The following ZNF786 variants were observed in gnomAD, a reference collection of about 807,000 sequenced individuals.
The protein encoded by ZNF786 is zinc finger protein 786.
Under a neutral mutation model 63.1 loss-of-function variants are expected in ZNF786, and 56 were observed. The ratio of observed to expected loss-of-function variants is 0.89; its 90% CI spans 0.72 to 1.11. ZNF786 has a LOEUF of 1.11. ZNF786 is among the 50% of genes least tolerant of loss of function. The pLI, the probability that ZNF786 is intolerant of heterozygous loss-of-function variation, is 0.00. For missense variants in ZNF786, 1,213 were observed against 1,041.8 expected, an observed-to-expected ratio of 1.16 and a Z score of -2.26; for synonymous variants, 485 against 406.9, an observed-to-expected ratio of 1.19 and a Z score of -2.31.
At chr7:149,089,799 C>T (rs1235606528) in intron 1 of ZNF786, among the ~76,000 whole-genome samples, 1 of 151,954 alleles carries the variant, frequency 6.6e-6, no homozygotes, top group Non-Finnish European at 1.5e-5. Flanking sequence ...CTGCAACCTC[C>T]GTCTCCCGGG....
intron 1 of ZNF786, among the ~76,000 whole-genome samples, chr7:149,089,050 G>A (rs538562342): frequency 5.3e-5 from 8 of 149,862 alleles, no homozygotes; most frequent in South Asian, 2.1e-4. Flanking sequence ...TCCGCCTCCC[G>A]GGTTCTCCCG....
intron 1 of ZNF786, among the ~76,000 whole-genome samples, chr7:149,082,347 G>GA (rs1267652793): frequency 2.0e-5 from 3 of 152,092 alleles, no homozygotes; most frequent in Non-Finnish European, 2.9e-5. Flanking sequence ...AACTGCATTA[G>GA]AAAAAATGCA....
Position 149,069,765 on chromosome 7 carries a change from T to C in ZNF786, c.*658A>G, listed in dbSNP as rs539067501. The C allele has an allele frequency of 3.3e-5, 5 of 152,570 alleles. No homozygotes were observed. The Admixed American group carries it at 3.3e-4, about 10-fold the overall frequency. 9.5% of individuals were successfully genotyped at this position (152,570 alleles called of 1,614,324 possible). A position where few individuals can be genotyped will look rare whatever the true frequency, so the allele number is the denominator to read the frequency against. ...CAGCTTCAGGAGTAGCTGGGACTAC[T>C]GGTGTGTACCACCATGCCTGGCTAA... On this transcript the variant is annotated 3_prime_UTR_variant, in exon 4 of 4. Transcript: ENST00000491431.
At chr7:149,077,598 A>C (rs1222203603) in intron 2 of ZNF786, among the ~76,000 whole-genome samples, 1 of 152,134 alleles carries the variant, frequency 6.6e-6, no homozygotes, top group Non-Finnish European at 1.5e-5. Flanking sequence ...ACAGCACTCC[A>C]GCCTGGGCGA....
chr7:149,078,631 C>A (rs1825600584), intron 2 of ZNF786, among the ~76,000 whole-genome samples: 2 of 152,000 alleles, frequency 1.3e-5, no homozygotes, highest in Non-Finnish European at 2.9e-5. Flanking sequence ...CTGCGGTGAG[C>A]CGACATGGTG....
chr7:149,072,558 C>T, intron 3 of ZNF786, 85 bp from the exon 4 acceptor site: 6 of 1,419,214 alleles, frequency 4.2e-6, no homozygotes, highest in Non-Finnish European at 4.6e-6. Flanking sequence ...CACAAGAGTG[C>T]CTTGTGGTGG....
chr7:149,084,662 G>C (rs1303283808), intron 1 of ZNF786, among the ~76,000 whole-genome samples: 1 of 152,088 alleles, frequency 6.6e-6, no homozygotes, highest in African/African-American at 2.4e-5. Flanking sequence ...TTTTTTGCTT[G>C]TAAATTTAAG....
intron 1 of ZNF786, among the ~76,000 whole-genome samples, chr7:149,088,442 A>G (rs1268447114): frequency 1.3e-5 from 2 of 152,208 alleles, no homozygotes; most frequent in African/African-American, 4.8e-5. Context: ...TTCTCCCAAT[A>G]AGCTCTGTGG....
rs781760625 is a variant in ZNF786 at position 149,071,386 on chromosome 7, G to T, written c.1386C>A (p.Phe462Leu). The T allele has an allele frequency of 4.3e-5, 69 of 1,613,196 alleles. No homozygotes were observed. Among genetic ancestry groups the T allele is most frequent in the Non-Finnish European group, 5.3e-5 (63 of 1,179,746 alleles). The change falls in exon 4 of 4, where the codon TTC (phenylalanine) becomes TTA (leucine). Residue 462 changes from phenylalanine to leucine, a missense_variant. Phe to Leu is a conservative substitution (Grantham distance 22). Transcript: ENST00000491431. ...PFRCAKCGRN[F>L]RQRGQLLRHQ... Reference sequence around the variant, plus strand: ...GCCGCAGCAGCTGTCCCCTCTGACGGAAGTTCCTGCCACACTTGGCACACC... The same window carrying T: ...GCCGCAGCAGCTGTCCCCTCTGACGTAAGTTCCTGCCACACTTGGCACACC...
chr7:149,080,032 C>T (rs1403287500), intron 2 of ZNF786, among the ~76,000 whole-genome samples: 1 of 151,828 alleles, frequency 6.6e-6, no homozygotes, highest in Non-Finnish European at 1.5e-5. Flanking sequence ...ATTAGCCGGG[C>T]ATGGCAGCAC....
chr7:149,083,172 C>T (rs995756930), intron 1 of ZNF786, among the ~76,000 whole-genome samples: 4 of 152,068 alleles, frequency 2.6e-5, no homozygotes, highest in African/African-American at 7.2e-5. Context: ...GCTGGGATTA[C>T]AGGCGCGAGC....
At chr7:149,081,305 G>GTGCAT in intron 1 of ZNF786, 1 of 372,516 alleles carries the variant, frequency 2.7e-6, no homozygotes, top group Non-Finnish European at 5.2e-6. Context: ...GTGTGGTGGC[G>GTGCAT]TGCACCTGTA....
rs377306819 is a variant in ZNF786 at position 149,080,581 on chromosome 7, C to T, written c.145+10G>A. The T allele has an allele frequency of 2.5e-6, 4 of 1,579,374 alleles. No homozygotes were observed. Among genetic ancestry groups the T allele is most frequent in the Non-Finnish European group, 3.4e-6 (4 of 1,167,856 alleles). ...TCCATGACCTACCCACAAAGGTGAA[C>T]AGGTCTTACCTAGAGAGACGAGAGT... On this transcript the variant is annotated intron_variant, in intron 2 of 3. Coordinates refer to ENST00000491431, the MANE Select transcript of ZNF786 (RefSeq NM_152411.4).
chr7:149,072,508 T>C lies in ZNF786; in HGVS notation c.299-35A>G, dbSNP rs111597746. 9.2e-6 allele frequency: 14 copies of C among 1,524,454 alleles called. 1 individual carries two copies. The highest frequency in any genetic ancestry group is 4.1e-5 in the African/African-American group (3 of 72,826). 94.4% of individuals were successfully genotyped at this position (1,524,454 alleles called of 1,614,324 possible). ...AAAACAAAAATTCAGTCGGTATTCC[T>C]GTCTGCAGCACTACTAGCGATTCTC... On this transcript the variant is annotated intron_variant, in intron 3 of 3. Transcript: ENST00000491431.
chr7:149,088,957 CTT>C (rs34834738), intron 1 of ZNF786, among the ~76,000 whole-genome samples: 2,469 of 122,494 alleles, frequency 0.02, 61 homozygotes, highest in African/African-American at 0.064. Flanking sequence ...TGTTGAGTTT[CTT>C]TTTTTTTTTT....
At chr7:149,073,775 A>ATATATATATAGTTTTTTTTT (rs1825489939) in intron 3 of ZNF786, among the ~76,000 whole-genome samples, 1 of 102,864 alleles carries the variant, frequency 9.7e-6, no homozygotes, top group Non-Finnish European at 1.9e-5. Context: ...ATATATATAT[A>ATATATATATAGTTTTTTTTT]TATATGTATA....
At position 149,070,894 on chromosome 7, in the gene ZNF786, G is replaced by A. The variant is rs201581301; in HGVS notation, c.1878C>T (p.Cys626=). 202 of 1,610,632 alleles carry A rather than the reference G, an allele frequency of 1.3e-4. 2 individuals carry two copies. In the East Asian group the frequency reaches 4.4e-3, roughly 35 times the overall value. Residue 626 remains cysteine (C), a synonymous_variant, in exon 4 of 4, where the codon TGC becomes TGT. Transcript: ENST00000491431. ...CGGCCTTCACGCGATAGCGCTTGTC[G>A]CACTCCGGACACTGGAAGGGCCTCT... is the stretch of plus-strand genomic sequence containing the variant. The part of the protein sequence containing the change: ...TGERPFQCPE[C]DKRYRVKADM...
At position 149,070,268 on chromosome 7, in the gene ZNF786, C is replaced by A. The variant is rs1825375590; in HGVS notation, c.*155G>T. 1.1e-6 allele frequency: 1 copy of A among 944,358 alleles called. No homozygotes were observed. Among genetic ancestry groups the A allele is most frequent in the Admixed American group, 2.4e-5 (1 of 41,710 alleles). 58.5% of individuals were successfully genotyped at this position (944,358 alleles called of 1,614,324 possible). The stretch of plus-strand genomic sequence containing the variant: ...TGGTGATGCTTCTGAAGAGAAAATC[C>A]TTTGTGGTTCTTCATATTCCTAACT... On this transcript the variant is annotated 3_prime_UTR_variant, in exon 4 of 4. Coordinates refer to ENST00000491431, the MANE Select transcript of ZNF786 (RefSeq NM_152411.4).
At position 149,071,764 on chromosome 7, in the gene ZNF786, C is replaced by G. The variant is rs1452165406; in HGVS notation, c.1008G>C (p.Val336=). ...WREGRGASSS[V]HSGQKPGSRL... is the part of the protein sequence containing the mutation. ...GCGAGCCTGGTTTCTGTCCCGAGTG[C>G]ACACTGCTGGAGGCCCCGCGGCCTT... The change falls in exon 4 of 4, where the codon GTG becomes GTC. Residue 336 remains valine (V), a synonymous_variant. Transcript: ENST00000491431. 6.3e-7 allele frequency: 1 copy of G among 1,587,332 alleles called. No individual in the cohort carries two copies. The highest frequency in any genetic ancestry group is 8.5e-7 in the Non-Finnish European group (1 of 1,173,320).
Sources: allele counts gnomAD v4.1 joint callset (sites outside exome capture counted in the v4.1 genomes callset), GRCh38; gene constraint gnomAD v4.1.1; transcripts MANE v1.5; gene names NCBI Gene and HGNC (gene_info 2026-07-23, HGNC 2026-07-21).